The following ETFA variants were observed in gnomAD, a reference collection of about 807,000 sequenced individuals.
The protein encoded by ETFA is electron transfer flavoprotein subunit alpha, mitochondrial.
ETFA carries 22 observed loss-of-function variants against 46.2 expected under a neutral mutation model. The ratio of observed to expected loss-of-function variants is 0.48; its 90% CI spans 0.34 to 0.68. ETFA has a LOEUF of 0.68. ETFA is among the 30% of genes least tolerant of loss of function. The probability of loss-of-function intolerance (pLI) is 0.01; values close to 1 mark genes in which losing one functional copy is unlikely to be tolerated. For missense variants in ETFA, 345 were observed against 401.1 expected (o/e 0.86, Z 1.19); for synonymous variants, 131 against 139.9 (o/e 0.94, Z 0.45).
At chr15:76,259,515 G>C (rs1276953419) in intron 9 of ETFA, 4 of 830,676 alleles carry the variant, frequency 4.8e-6, no homozygotes, top group Non-Finnish European at 8.6e-6. Context: ...TTCGATGCCA[G>C]CGTATGGTGT....
At chr15:76,307,517 C>T (rs1298225954) in intron 1 of ETFA, among the ~76,000 whole-genome samples, 4 of 150,388 alleles carry the variant, frequency 2.7e-5, no homozygotes, top group African/African-American at 7.3e-5. Flanking sequence ...AACAGCGTCT[C>T]ACTCTGTTGC....
intron 9 of ETFA, among the ~76,000 whole-genome samples, chr15:76,272,143 A>G (rs1158342231): frequency 6.6e-6 from 1 of 151,782 alleles, no homozygotes; most frequent in Non-Finnish European, 1.5e-5. Context: ...CTGCTCTTCT[A>G]TTTGATAACC....
intron 8 of ETFA, among the ~76,000 whole-genome samples, chr15:76,280,012 C>T: frequency 6.6e-6 from 1 of 152,064 alleles, no homozygotes; most frequent in Non-Finnish European, 1.5e-5. Context: ...GATCCTCCTG[C>T]CTCAGCCTCC....
intron 8 of ETFA, among the ~76,000 whole-genome samples, chr15:76,277,826 C>G (rs1020291243): frequency 5.3e-5 from 8 of 152,132 alleles, no homozygotes; most frequent in African/African-American, 1.9e-4. Context: ...TAACACGGAA[C>G]CTCCAACAAT....
At chr15:76,286,743 TAAG>T (rs1321184715) in intron 5 of ETFA, among the ~76,000 whole-genome samples, 1 of 152,148 alleles carries the variant, frequency 6.6e-6, no homozygotes, top group Admixed American at 6.5e-5. Flanking sequence ...GCATCCACAC[TAAG>T]AAGGTACACT....
At chr15:76,238,081 T>C (rs1222540051) in intron 9 of ETFA, among the ~76,000 whole-genome samples, 1 of 152,176 alleles carries the variant, frequency 6.6e-6, no homozygotes, top group Non-Finnish European at 1.5e-5. Context: ...ATATAATACA[T>C]ATGAAGTTGA....
At chr15:76,242,224 T>G (rs574613871) in intron 9 of ETFA, among the ~76,000 whole-genome samples, 2 of 152,348 alleles carry the variant, frequency 1.3e-5, no homozygotes, top group East Asian at 3.9e-4. Context: ...ATTTTGGAGT[T>G]GTAAGGAACC....
At chr15:76,229,582 C>T (rs980421658) in intron 10 of ETFA, among the ~76,000 whole-genome samples, 9 of 152,198 alleles carry the variant, frequency 5.9e-5, no homozygotes, top group African/African-American at 2.2e-4. Context: ...TACTTTAAGG[C>T]TGCTGGTGTT....
rs1242994817 is a variant in ETFA, at chr15:76,304,508, T to TA, written c.39+6841dup. ...CCCTGTTTCTATGAAAGATAAAAAT[T>TA]AAAAAATTAGTCAGATGTGGTGGCG... is the stretch of plus-strand genomic sequence containing the variant. On this transcript the variant is annotated intron_variant, in intron 1 of 11. Transcript: ENST00000557943. Among the ~76,000 whole-genome samples the TA allele has an allele frequency of 1.1e-4, 17 of 151,876 alleles. 2 individuals carry two copies. Among genetic ancestry groups the TA allele is most frequent in the Admixed American group, 9.2e-4 (14 of 15,244 alleles).
intron 9 of ETFA, among the ~76,000 whole-genome samples, chr15:76,253,104 C>T (rs2039316326): frequency 6.6e-6 from 1 of 151,894 alleles, no homozygotes; most frequent in South Asian, 2.1e-4. Flanking sequence ...TTCAACTTTT[C>T]GTAAGTCTGA....
intron 9 of ETFA, among the ~76,000 whole-genome samples, chr15:76,265,231 G>A (rs2039458862): frequency 6.6e-6 from 1 of 152,188 alleles, no homozygotes; most frequent in South Asian, 2.1e-4. Context: ...AAATTTAAAA[G>A]GTGTCACTGT....
intron 1 of ETFA, among the ~76,000 whole-genome samples, chr15:76,309,246 GA>G (rs1412124351): frequency 6.6e-6 from 1 of 152,132 alleles, no homozygotes; most frequent in Non-Finnish European, 1.5e-5. Context: ...TCAGGAGATC[GA>G]GACCATACCG....
chr15:76,303,744 A>G (rs899908770), intron 1 of ETFA, among the ~76,000 whole-genome samples: 3 of 152,254 alleles, frequency 2.0e-5, no homozygotes, highest in Admixed American at 1.3e-4. Flanking sequence ...AAAAACCACA[A>G]TGAGACATCT....
chr15:76,249,420 G>A (rs1409488267), intron 9 of ETFA, among the ~76,000 whole-genome samples: 3 of 139,116 alleles, frequency 2.2e-5, no homozygotes, highest in Non-Finnish European at 4.6e-5. Context: ...GAACCACCAC[G>A]CCCAGTCCAT....
chr15:76,239,383 C>T (rs1485368360), intron 9 of ETFA, among the ~76,000 whole-genome samples: 2 of 152,104 alleles, frequency 1.3e-5, no homozygotes, highest in Non-Finnish European at 2.9e-5. Context: ...ATCACAATTA[C>T]TTTTTGTGGT....
At chr15:76,274,106 A>G in intron 9 of ETFA, 1 of 348,494 alleles carries the variant, frequency 2.9e-6, no homozygotes, top group Non-Finnish European at 5.4e-6. Context: ...ATCAATGTGA[A>G]CTTATAAATC....
rs895989564 is a variant in ETFA, at chr15:76,259,332, C to T, written c.816+15080G>A. 1.1e-5 allele frequency: 17 copies of T among 1,595,454 alleles called. No homozygotes were observed. The African/African-American group carries it at 1.2e-4, about 11-fold the overall frequency. On this transcript the variant is annotated intron_variant, in intron 9 of 11. Transcript: ENST00000557943. The stretch of plus-strand genomic sequence containing the variant: ...CATTCGCAGACAAGTAAAGCTTGGG[C>T]GCTGCTTGGGGTCAGCACTCCAGCA...
chr15:76,303,153 C>T (rs1271287950), intron 1 of ETFA, among the ~76,000 whole-genome samples: 1 of 152,006 alleles, frequency 6.6e-6, no homozygotes, highest in African/African-American at 2.4e-5. Flanking sequence ...ACTAAAAATA[C>T]AAAAATTAGC....
intron 9 of ETFA, among the ~76,000 whole-genome samples, chr15:76,263,284 G>T (rs1238950630): frequency 6.6e-6 from 1 of 152,096 alleles, no homozygotes; most frequent in Non-Finnish European, 1.5e-5. Flanking sequence ...GCCGGACTTT[G>T]TAGCCCCCAT....
Sources: gnomAD v4.1 joint callset for allele counts (sites outside exome capture counted in the v4.1 genomes callset) on GRCh38, gnomAD v4.1.1 for gene constraint, MANE v1.5 for transcripts, NCBI Gene and HGNC (gene_info 2026-07-23, HGNC 2026-07-21) for gene names.